The following MYLK4 variants were observed in gnomAD, a reference collection of about 807,000 sequenced individuals.
The protein encoded by MYLK4 is myosin light chain kinase family member 4.
MYLK4 carries 46 observed loss-of-function variants against 48.1 expected under a neutral mutation model. The observed-to-expected ratio is 0.96, with a 90% CI of 0.75 to 1.22. The LOEUF (loss-of-function observed/expected upper bound fraction) is 1.22, where lower values mean the gene tolerates loss of function less well. Among genes scored for constraint, MYLK4 ranks in the 50% most tolerant of loss-of-function variants. The probability of loss-of-function intolerance (pLI) is 0.00; values close to 1 mark genes in which losing one functional copy is unlikely to be tolerated. For missense variants in MYLK4, 451 were observed against 486.1 expected, an observed-to-expected ratio of 0.93 and a Z score of 0.68; for synonymous variants, 170 against 180.8, an observed-to-expected ratio of 0.94 and a Z score of 0.48.
chr6:2,769,616 G>T, the MYLK4 span, among the ~76,000 whole-genome samples: 1 of 152,024 alleles, frequency 6.6e-6, no homozygotes, highest in East Asian at 1.9e-4. Context: ...CGAGGCGTTA[G>T]CATTCTAGGT....
At chr6:2,736,243 G>T (rs1191877918) in intron 2 of MYLK4, among the ~76,000 whole-genome samples, 3 of 152,208 alleles carry the variant, frequency 2.0e-5, no homozygotes, top group East Asian at 3.8e-4. Flanking sequence ...TAAAATATTT[G>T]TTATTATTGC....
the MYLK4 span, among the ~76,000 whole-genome samples, chr6:2,767,650 T>C: frequency 6.6e-6 from 1 of 152,268 alleles, no homozygotes; most frequent in African/African-American, 2.4e-5. Flanking sequence ...TTGAGCAGTA[T>C]CATTCTTAGT....
chr6:2,706,078 T>C (rs1762476243), intron 2 of MYLK4, among the ~76,000 whole-genome samples: 1 of 152,198 alleles, frequency 6.6e-6, no homozygotes, highest in African/African-American at 2.4e-5. Flanking sequence ...ATTGATGATC[T>C]TTTCCCACAC....
chr6:2,764,918 G>A, the MYLK4 span, among the ~76,000 whole-genome samples: 313 of 152,304 alleles, frequency 2.1e-3, no homozygotes, highest in Non-Finnish European at 3.9e-3. Flanking sequence ...ACGTCCAATA[G>A]AACACTGGTT....
the MYLK4 span, chr6:2,765,870 C>T: frequency 4.8e-6 from 7 of 1,445,178 alleles, no homozygotes; most frequent in Admixed American, 2.4e-5. Flanking sequence ...CTGAAGCAGC[C>T]AGCCACCCCG....
Position 2,685,402 on chromosome 6 carries a change from C to G in MYLK4, c.439G>C (p.Glu147Gln). 1 of 1,613,546 alleles carries G rather than the reference C, an allele frequency of 6.2e-7. No homozygotes were observed. Among genetic ancestry groups the G allele is most frequent in the Non-Finnish European group, 8.5e-7 (1 of 1,179,550 alleles). ...IKTRGMKDKE[E>Q]VKNEISVMNQ... Reference sequence around the variant, plus strand: ...ATGACGCTGATCTCGTTCTTCACCTCCTCCTGAGAAGCAGGAAACAGTGCA... The same window carrying G: ...ATGACGCTGATCTCGTTCTTCACCTGCTCCTGAGAAGCAGGAAACAGTGCA... Residue 147 changes from glutamate to glutamine, a missense_variant, in exon 6 of 13, where the codon GAG becomes CAG. By Grantham distance (29) the Glu-to-Gln change is conservative (BLOSUM62 2). Coordinates refer to ENST00000274643, the MANE Select transcript of MYLK4 (RefSeq NM_001012418.5). The surrounding 1 kb of genome is among the most constrained non-coding windows in gnomAD (Gnocchi z 4.5).
chr6:2,715,988 C>T (rs767547811), intron 2 of MYLK4, among the ~76,000 whole-genome samples: 4 of 150,924 alleles, frequency 2.7e-5, no homozygotes, highest in Non-Finnish European at 4.4e-5. Context: ...GATTCCAGAA[C>T]CTTTGCACTC....
rs75833800 is a variant in MYLK4, at chr6:2,668,970, A to G, written c.*26-1071T>C. Among the ~76,000 whole-genome samples, 128 of 152,166 alleles carry G rather than the reference A, an allele frequency of 8.4e-4. 2 individuals carry two copies. The East Asian group carries it at 0.018, about 21-fold the overall frequency. On this transcript the variant is annotated intron_variant, in intron 12 of 12. Transcript: ENST00000274643. ...TTTCTCCCAGCTACTCAGGAGGCTG[A>G]GGTAGGAGGATCACTTGAGTCCAGG...
At chr6:2,753,972 G>GAAAAAAAAAAAAAAA, upstream of MYLK4, among the ~76,000 whole-genome samples, 1 of 148,146 alleles carries the variant, frequency 6.8e-6, no homozygotes, top group African/African-American at 2.5e-5. Flanking sequence ...ACCAGCCTGG[G>GAAAAAAAAAAAAAAA]CAACATAGCA....
intron 7 of MYLK4, 101 bp from the exon 8 acceptor site, chr6:2,680,392 T>C (rs761733886): frequency 2.0e-4 from 317 of 1,584,742 alleles, no homozygotes; most frequent in Non-Finnish European, 2.6e-4. Context: ...AGAAAAAACA[T>C]ATCAGGCCTT....
chr6:2,765,183 CCCCCCCCCCCGCCCCT>C, the MYLK4 span, among the ~76,000 whole-genome samples: 1 of 19,304 alleles, frequency 5.2e-5, no homozygotes, highest in African/African-American at 1.6e-4. Flanking sequence ...CGCCTCGCAA[CCCCCCCCCCCGCCCCT>C]CCCCCGCCCC....
chr6:2,737,172 G>A (rs779703409), intron 2 of MYLK4, among the ~76,000 whole-genome samples: 8 of 152,280 alleles, frequency 5.3e-5, no homozygotes, highest in South Asian at 2.1e-4. Flanking sequence ...AACTAGCTGC[G>A]CGTGGTGGCG....
intron 4 of MYLK4, among the ~76,000 whole-genome samples, chr6:2,686,770 C>T (rs1347932265): frequency 5.3e-5 from 8 of 152,214 alleles, no homozygotes; most frequent in Admixed American, 1.3e-4. Context: ...TTACCATAAA[C>T]GTAGCCACGG....
At chr6:2,746,990 T>C (rs1279554513) in intron 2 of MYLK4, among the ~76,000 whole-genome samples, 11 of 152,208 alleles carry the variant, frequency 7.2e-5, no homozygotes, top group Non-Finnish European at 1.5e-4. Flanking sequence ...CACCTATCCA[T>C]TCTCCACGTG....
At chr6:2,690,823 C>CTTTTTTTTTTT (rs35133716) in intron 3 of MYLK4, among the ~76,000 whole-genome samples, 12 of 88,854 alleles carry the variant, frequency 1.4e-4, no homozygotes, top group East Asian at 3.6e-4. Context: ...CTCTCTGAAT[C>CTTTTTTTTTTT]TTTTTTTTTT....
chr6:2,760,132 T>C, the MYLK4 span, among the ~76,000 whole-genome samples: 2 of 152,176 alleles, frequency 1.3e-5, no homozygotes, highest in Non-Finnish European at 2.9e-5. Context: ...TGAGCATATG[T>C]GCATAGGTTA....
intron 2 of MYLK4, among the ~76,000 whole-genome samples, chr6:2,739,462 TA>T (rs1193435785): frequency 6.6e-6 from 1 of 152,212 alleles, no homozygotes; most frequent in Non-Finnish European, 1.5e-5. Context: ...TTAAGGTCCC[TA>T]ATCTTTGAGT....
chr6:2,690,869 G>T (rs939957840), intron 3 of MYLK4, among the ~76,000 whole-genome samples: 7 of 116,600 alleles, frequency 6.0e-5, no homozygotes, highest in Non-Finnish European at 8.1e-5. Context: ...TCGCTCTGTC[G>T]CCCAGGCTGG....
intron 2 of MYLK4, among the ~76,000 whole-genome samples, chr6:2,730,825 T>G (rs1262529288): frequency 6.6e-6 from 1 of 152,230 alleles, no homozygotes; most frequent in Non-Finnish European, 1.5e-5. Context: ...ATTCTTGACA[T>G]CCTAAGGTTG....
Sources: gnomAD v4.1 joint callset for allele counts (sites outside exome capture counted in the v4.1 genomes callset) on GRCh38, gnomAD v4.1.1 for gene constraint, Gnocchi (gnomAD v3.1) non-coding constraint, MANE v1.5 for transcripts, NCBI Gene and HGNC (gene_info 2026-07-23, HGNC 2026-07-21) for gene names.